The following CTNNA2 variants were observed in gnomAD, a reference collection of about 807,000 sequenced individuals.
The protein encoded by CTNNA2 is catenin alpha 2, also known as catenin alpha-2.
In CTNNA2, 42 loss-of-function variants were observed where a neutral mutation model predicts 101.0. That is an observed-to-expected ratio of 0.42 (90% confidence interval 0.32 to 0.54). CTNNA2 has a LOEUF of 0.54. CTNNA2 is among the 20% of genes least tolerant of loss of function. The pLI, the probability that CTNNA2 is intolerant of heterozygous loss-of-function variation, is 0.14. For missense variants in CTNNA2, 871 were observed against 1,223.1 expected (o/e 0.71, Z 4.29); for synonymous variants, 450 against 456.4 (o/e 0.99, Z 0.18).
chr2:80,309,601 T>C (rs936513822), intron 7 of CTNNA2, among the ~76,000 whole-genome samples: 3 of 152,212 alleles, frequency 2.0e-5, no homozygotes, highest in African/African-American at 7.2e-5. Flanking sequence ...TAAGGATGGC[T>C]ATCTCAGAGG....
chr2:80,570,012 A>G (rs1040767885), intron 12 of CTNNA2, among the ~76,000 whole-genome samples: 12 of 151,664 alleles, frequency 7.9e-5, no homozygotes, highest in Admixed American at 2.0e-4. Flanking sequence ...TTCTGTCAAG[A>G]TGGGTCATTG....
chr2:79,650,363 G>A (rs527370106), intron 1 of CTNNA2, among the ~76,000 whole-genome samples: 2 of 152,172 alleles, frequency 1.3e-5, no homozygotes, highest in East Asian at 1.9e-4. Context: ...AATAGTAGCA[G>A]ATAATTTTTC....
At chr2:80,578,068 G>T (rs1024679034) in intron 13 of CTNNA2, among the ~76,000 whole-genome samples, 1 of 152,160 alleles carries the variant, frequency 6.6e-6, no homozygotes, top group South Asian at 2.1e-4. Context: ...GCAGGTGAAC[G>T]GGTCCTGTTT....
chr2:79,840,846 T>C (rs1397444030), intron 3 of CTNNA2, among the ~76,000 whole-genome samples: 2 of 151,374 alleles, frequency 1.3e-5, no homozygotes. Context: ...CTCGGCTCAC[T>C]GCAAGCTTCG....
intron 7 of CTNNA2, among the ~76,000 whole-genome samples, chr2:80,376,530 T>A (rs60287473): frequency 0.024 from 3,725 of 152,246 alleles, 135 homozygotes; most frequent in African/African-American, 0.085. Flanking sequence ...TATTAGTGTT[T>A]TAGCAGGGAA....
intron 4 of CTNNA2, among the ~76,000 whole-genome samples, chr2:79,469,491 T>A (rs1435556745): frequency 1.3e-5 from 2 of 152,118 alleles, no homozygotes; most frequent in East Asian, 1.9e-4. Context: ...ACTATTCCAA[T>A]CAATAGAAAA....
chr2:79,620,890 T>G (rs1678953890), intron 1 of CTNNA2, among the ~76,000 whole-genome samples: 1 of 152,168 alleles, frequency 6.6e-6, no homozygotes, highest in African/African-American at 2.4e-5. Flanking sequence ...GCGTTAAAAA[T>G]TAACCTTTGT....
intron 3 of CTNNA2, among the ~76,000 whole-genome samples, chr2:79,854,187 G>A (rs1460647233): frequency 1.3e-5 from 2 of 152,066 alleles, no homozygotes; most frequent in East Asian, 3.9e-4. Flanking sequence ...ATGTTGTCTT[G>A]CTTCTAAGGA....
At chr2:79,955,010 C>G (rs950115211) in intron 7 of CTNNA2, among the ~76,000 whole-genome samples, 2 of 152,158 alleles carry the variant, frequency 1.3e-5, no homozygotes, top group African/African-American at 2.4e-5. Flanking sequence ...GGAATGCTGC[C>G]TCAAACTTAA....
chr2:79,370,680 G>C (rs1162760652), intron 3 of CTNNA2, among the ~76,000 whole-genome samples: 1 of 151,356 alleles, frequency 6.6e-6, no homozygotes, highest in East Asian at 1.9e-4. Context: ...TTAAAATTAA[G>C]GCTTAGGGAA....
intron 4 of CTNNA2, among the ~76,000 whole-genome samples, chr2:79,406,707 A>G (rs753507454): frequency 2.6e-5 from 4 of 151,986 alleles, no homozygotes; most frequent in Non-Finnish European, 4.4e-5. Flanking sequence ...ACTTTTATCA[A>G]ATCTTTGAGT....
chr2:80,265,120 GC>G (rs1672907222), intron 7 of CTNNA2, among the ~76,000 whole-genome samples: 1 of 151,626 alleles, frequency 6.6e-6, no homozygotes, highest in African/African-American at 2.4e-5. Flanking sequence ...GATTACAGGC[GC>G]CCACCACCAC....
At chr2:79,507,675 A>G (rs1434919606) in intron 5 of CTNNA2, among the ~76,000 whole-genome samples, 1 of 152,208 alleles carries the variant, frequency 6.6e-6, no homozygotes, top group African/African-American at 2.4e-5. Flanking sequence ...GAAGAACAGA[A>G]ATAAGCTCAT....
At chr2:79,221,382 G>T (rs1306858648) in intron 2 of CTNNA2, among the ~76,000 whole-genome samples, 1 of 152,030 alleles carries the variant, frequency 6.6e-6, no homozygotes, top group African/African-American at 2.4e-5. Flanking sequence ...CAAACTTCTG[G>T]CCTCAATCCT....
chr2:80,142,132 G>T (rs1703052474), intron 7 of CTNNA2, among the ~76,000 whole-genome samples: 1 of 152,120 alleles, frequency 6.6e-6, no homozygotes, highest in African/African-American at 2.4e-5. Flanking sequence ...AATTTTGGAT[G>T]CACCTATGTC....
intron 7 of CTNNA2, among the ~76,000 whole-genome samples, chr2:80,379,142 A>G (rs575912366): frequency 6.6e-6 from 1 of 152,260 alleles, no homozygotes; most frequent in African/African-American, 2.4e-5. Context: ...AGCATAGTGT[A>G]GACAGGTTTA....
chr2:80,245,887 C>T (rs894856471), intron 7 of CTNNA2, among the ~76,000 whole-genome samples: 5 of 143,184 alleles, frequency 3.5e-5, no homozygotes, highest in African/African-American at 8.0e-5. Flanking sequence ...CTCTGCCTTC[C>T]GGATTCACGC....
At chr2:80,234,804 G>T (rs1211355257) in intron 7 of CTNNA2, among the ~76,000 whole-genome samples, 1 of 147,470 alleles carries the variant, frequency 6.8e-6, no homozygotes, top group East Asian at 2.0e-4. Context: ...TATTCCAAAA[G>T]TTGGCAGATT....
At chr2:79,343,792 C>A (rs532611148) in intron 3 of CTNNA2, among the ~76,000 whole-genome samples, 15 of 151,894 alleles carry the variant, frequency 9.9e-5, no homozygotes, top group Admixed American at 7.2e-4. Flanking sequence ...ATTTTGTCCT[C>A]ATCTTTCTGA....
Sources: allele counts gnomAD v4.1 joint callset (sites outside exome capture counted in the v4.1 genomes callset), GRCh38; gene constraint gnomAD v4.1.1; transcripts MANE v1.5; gene names NCBI Gene and HGNC (gene_info 2026-07-23, HGNC 2026-07-21).